The following WWOX variants were observed in gnomAD, a reference collection of about 807,000 sequenced individuals.
WWOX encodes WW domain containing oxidoreductase.
WWOX carries 69 observed loss-of-function variants against 46.2 expected under a neutral mutation model. The observed-to-expected ratio is 1.49, with a 90% CI of 1.23 to 1.82. The LOEUF (loss-of-function observed/expected upper bound fraction) is 1.82. Ranked by LOEUF, WWOX falls within the 40% of genes most tolerant of loss-of-function variation. The pLI is 0.00. For synonymous variants in WWOX, 359 were observed against 202.6 expected (o/e 1.77, Z -6.56); for missense variants, 919 against 542.6 (o/e 1.69, Z -6.89).
intron 8 of WWOX, among the ~76,000 whole-genome samples, chr16:79,007,332 A>G (rs1273552399): frequency 2.0e-5 from 3 of 152,210 alleles, no homozygotes; most frequent in African/African-American, 7.2e-5. Flanking sequence ...AACATGAGGA[A>G]AGGGCTCATG....
intron 8 of WWOX, among the ~76,000 whole-genome samples, chr16:78,654,401 G>A (rs60918271): frequency 1.3e-5 from 2 of 152,140 alleles, no homozygotes; most frequent in Non-Finnish European, 2.9e-5. Flanking sequence ...TCAACTAACT[G>A]CTGTGTACTA....
chr16:78,822,030 C>G (rs55666705), intron 8 of WWOX, among the ~76,000 whole-genome samples: 33,773 of 152,030 alleles, frequency 0.22, 3,952 homozygotes, highest in South Asian at 0.3. Flanking sequence ...GCATGCACCA[C>G]CATGCCCAGC....
intron 8 of WWOX, among the ~76,000 whole-genome samples, chr16:78,753,774 C>T (rs544520973): frequency 8.0e-6 from 1 of 124,890 alleles, no homozygotes; most frequent in Non-Finnish European, 1.6e-5. Context: ...TGCAGTCAAG[C>T]CTGGGTGACA....
At chr16:79,146,128 T>G (rs1419932523) in intron 8 of WWOX, among the ~76,000 whole-genome samples, 1 of 152,220 alleles carries the variant, frequency 6.6e-6, no homozygotes, top group East Asian at 1.9e-4. Flanking sequence ...AACTTGCATT[T>G]TTCAAGGAAG....
chr16:78,964,771 A>G (rs1271419647), intron 8 of WWOX, among the ~76,000 whole-genome samples: 1 of 152,212 alleles, frequency 6.6e-6, no homozygotes, highest in African/African-American at 2.4e-5. Context: ...AAGTCCCAGG[A>G]GGAAAAAATG....
At chr16:78,337,227 A>G (rs1780969718) in intron 5 of WWOX, among the ~76,000 whole-genome samples, 1 of 152,168 alleles carries the variant, frequency 6.6e-6, no homozygotes. Flanking sequence ...GTTGACCAAG[A>G]GTGGGTAGGA....
chr16:79,081,137 T>A (rs1203021469), intron 8 of WWOX, among the ~76,000 whole-genome samples: 1 of 152,060 alleles, frequency 6.6e-6, no homozygotes, highest in Non-Finnish European at 1.5e-5. Flanking sequence ...AAAATCGAGA[T>A]CCAGTGGAGT....
intron 8 of WWOX, among the ~76,000 whole-genome samples, chr16:78,709,674 T>G (rs2142318929): frequency 6.6e-6 from 1 of 152,148 alleles, no homozygotes; most frequent in Non-Finnish European, 1.5e-5. Context: ...ATTCCAAGTC[T>G]GCTGATGCAT....
intron 8 of WWOX, among the ~76,000 whole-genome samples, chr16:78,962,705 A>T (rs1360365896): frequency 1.3e-5 from 2 of 152,126 alleles, no homozygotes; most frequent in African/African-American, 4.8e-5. Flanking sequence ...AGTTCAATGA[A>T]CTCATACTTA....
At chr16:78,516,200 C>T (rs911000827) in intron 8 of WWOX, among the ~76,000 whole-genome samples, 2 of 152,116 alleles carry the variant, frequency 1.3e-5, no homozygotes, top group African/African-American at 4.8e-5. Flanking sequence ...CCCGGGAGTC[C>T]TTCACACTCT....
At chr16:78,317,636 G>GT (rs1416358158) in intron 5 of WWOX, among the ~76,000 whole-genome samples, 2 of 152,106 alleles carry the variant, frequency 1.3e-5, no homozygotes, top group Non-Finnish European at 2.9e-5. Flanking sequence ...AAAATCTGGT[G>GT]TTTTTTCGAA....
intron 5 of WWOX, among the ~76,000 whole-genome samples, chr16:78,353,506 C>T (rs1411679954): frequency 6.6e-6 from 1 of 152,174 alleles, no homozygotes; most frequent in South Asian, 2.1e-4. Flanking sequence ...TCTGTCCCTT[C>T]TCCTCTAGCC....
At chr16:78,276,484 T>C (rs1486311349) in intron 5 of WWOX, among the ~76,000 whole-genome samples, 1 of 152,232 alleles carries the variant, frequency 6.6e-6, no homozygotes, top group African/African-American at 2.4e-5. Flanking sequence ...TCCAGTCTCC[T>C]GATGTTTGAG....
chr16:78,454,363 TG>T (rs2083762757), intron 8 of WWOX, among the ~76,000 whole-genome samples: 2 of 118,516 alleles, frequency 1.7e-5, no homozygotes, highest in African/African-American at 4.4e-5. Flanking sequence ...TATTCGTGTG[TG>T]TGTGTGTGTG....
At chr16:78,926,627 A>G (rs1427634406) in intron 8 of WWOX, among the ~76,000 whole-genome samples, 12 of 152,128 alleles carry the variant, frequency 7.9e-5, no homozygotes, top group Admixed American at 6.6e-4. Flanking sequence ...CTTTCATTCA[A>G]CAAGTGCTGA....
chr16:78,352,872 G>A (rs1385622761), intron 5 of WWOX, among the ~76,000 whole-genome samples: 1 of 152,130 alleles, frequency 6.6e-6, no homozygotes, highest in African/African-American at 2.4e-5. Context: ...TTGAATATTG[G>A]CTGTACAAAG....
chr16:78,112,818 G>A lies in WWOX; in HGVS notation c.231-2158G>A, dbSNP rs948061639. On this transcript the variant is annotated intron_variant, in intron 3 of 8. Coordinates refer to ENST00000566780, the MANE Select transcript of WWOX (RefSeq NM_016373.4). Reference sequence around the variant, plus strand: ...GGACTCAAGTGATCCTCCTGCCTCAGCCTTCTGAGGAGCTGGGACTACAGG... The same window carrying A: ...GGACTCAAGTGATCCTCCTGCCTCAACCTTCTGAGGAGCTGGGACTACAGG... Among the ~76,000 whole-genome samples the A allele has an allele frequency of 4.0e-5, 6 of 151,562 alleles. No individual in the cohort carries two copies. The East Asian group carries it at 5.9e-4, about 15-fold the overall frequency.
chr16:78,869,726 T>G (rs1413843691), intron 8 of WWOX, among the ~76,000 whole-genome samples: 1 of 152,142 alleles, frequency 6.6e-6, no homozygotes, highest in East Asian at 1.9e-4. Context: ...AGCTGCTGAG[T>G]TGTAGATTTC....
At chr16:78,330,884 T>C (rs373303055) in intron 5 of WWOX, among the ~76,000 whole-genome samples, 2 of 152,258 alleles carry the variant, frequency 1.3e-5, no homozygotes, top group East Asian at 3.8e-4. Context: ...TGAGATGATA[T>C]GCATGTTCTT....
Sources: gnomAD v4.1 joint callset for allele counts (sites outside exome capture counted in the v4.1 genomes callset) on GRCh38, gnomAD v4.1.1 for gene constraint, MANE v1.5 for transcripts, NCBI Gene and HGNC (gene_info 2026-07-23, HGNC 2026-07-21) for gene names.